Variants in SQSTM1 observed in about 807,000 individuals in gnomAD.
SQSTM1 encodes sequestosome-1.
SQSTM1 carries 36 observed loss-of-function variants against 45.1 expected under a neutral mutation model. The observed-to-expected ratio is 0.80, with a 90% confidence interval of 0.61 to 1.05. The LOEUF (loss-of-function observed/expected upper bound fraction) is 1.05. Ranked by LOEUF, SQSTM1 falls within the 50% of genes least tolerant of loss-of-function variation. The pLI is 0.00. For synonymous variants in SQSTM1, 290 were observed against 244.3 expected (o/e 1.19, Z -1.74); for missense variants, 617 against 607.1 (o/e 1.02, Z -0.17).
chr5:179,828,490 C>T (rs756684279), intron 5 of SQSTM1, among the ~76,000 whole-genome samples: 4 of 150,868 alleles, frequency 2.7e-5, no homozygotes, highest in Non-Finnish European at 5.9e-5. Context: ...TCTCCTGCCT[C>T]AGCCTTTCCC....
chr5:179,818,330 C>T (rs172058), upstream of SQSTM1, among the ~76,000 whole-genome samples: 13,727 of 152,194 alleles, frequency 0.09, 1,696 homozygotes, highest in African/African-American at 0.28. Flanking sequence ...TCCCCTGTGT[C>T]CCCTGTGATT....
chr5:179,815,353 G>T (rs926255912), upstream of SQSTM1, among the ~76,000 whole-genome samples: 1 of 152,074 alleles, frequency 6.6e-6, no homozygotes, highest in Non-Finnish European at 1.5e-5. Flanking sequence ...AGAGGTGGAG[G>T]TTGCAGTGAG....
intron 7 of SQSTM1, 61 bp downstream of exon 7, chr5:179,833,843 C>A: frequency 1.3e-6 from 2 of 1,562,658 alleles, no homozygotes; most frequent in South Asian, 1.1e-5. Flanking sequence ...ATCCTGCCCT[C>A]CTCTGATTTC....
chr5:179,830,994 G>A, intron 5 of SQSTM1, among the ~76,000 whole-genome samples: 1 of 152,212 alleles, frequency 6.6e-6, no homozygotes, highest in East Asian at 1.9e-4. Flanking sequence ...GAGTCACTGT[G>A]CCTGGTCCAG....
intron 1 of SQSTM1, chr5:179,821,453 A>G (rs1288304703): frequency 6.7e-6 from 4 of 594,324 alleles, no homozygotes; most frequent in Non-Finnish European, 1.3e-5. Flanking sequence ...GCTGTTGGGG[A>G]TTTTGGCAAG....
At chr5:179,819,426 G>C (rs1757689328), upstream of SQSTM1, among the ~76,000 whole-genome samples, 1 of 152,196 alleles carries the variant, frequency 6.6e-6, no homozygotes, top group Non-Finnish European at 1.5e-5. Context: ...TCCTTCTTGG[G>C]GGTGAGTGGG....
At chr5:179,832,067 G>A (rs1758252399) in intron 5 of SQSTM1, among the ~76,000 whole-genome samples, 1 of 152,226 alleles carries the variant, frequency 6.6e-6, no homozygotes, top group South Asian at 2.1e-4. Flanking sequence ...ACAGGCGTGA[G>A]CCACTGCGCT....
rs759646319 is a variant in SQSTM1, at chr5:179,836,583, C to T, written c.1313C>T (p.Pro438Leu). ...ACCATCCAGTATTCAAAGCATCCCC[C>T]GCCGTTGTGACCACTTTTGCCCACC... ...LDTIQYSKHP[P>L]PL The change falls in exon 8 of 8, where the codon CCG (proline) becomes CTG (leucine). Residue 438 changes from proline (P) to leucine (L), a missense_variant. Pro to Leu is a moderately conservative substitution (Grantham distance 98). Transcript: ENST00000389805. 2.7e-5 allele frequency: 44 copies of T among 1,614,076 alleles called. No individual in the cohort carries two copies. Among genetic ancestry groups the T allele is most frequent in the Non-Finnish European group, 3.5e-5 (41 of 1,180,040 alleles).
At chr5:179,811,242 A>G (rs1757385275) in intron 1 of SQSTM1, among the ~76,000 whole-genome samples, 1 of 151,764 alleles carries the variant, frequency 6.6e-6, no homozygotes, top group African/African-American at 2.4e-5. Flanking sequence ...CAAAAAAAAA[A>G]AGAGGTCCAG....
upstream of SQSTM1, chr5:179,820,889 G>C: frequency 2.8e-6 from 4 of 1,436,238 alleles, no homozygotes; most frequent in Non-Finnish European, 3.7e-6. Context: ...AAAGCCGCGC[G>C]GCGGCTGCGA....
Position 179,809,572 on chromosome 5 carries a change from C to T in SQSTM1, c.-156-2002C>T, listed in dbSNP as rs150160593. On this transcript the variant is annotated intron_variant, in intron 1 of 5. Transcript: ENST00000514093. ...CAGGCTGGTCTCAAACTCCTGACCTCGTGATCCACCTGCTTCAGCCTCCCA... is the reference window on the plus strand; with the variant it reads ...CAGGCTGGTCTCAAACTCCTGACCTTGTGATCCACCTGCTTCAGCCTCCCA... Among the ~76,000 whole-genome samples, 1,158 of 147,376 alleles carry T rather than the reference C, an allele frequency of 7.9e-3. 10 individuals are homozygous for T. Among genetic ancestry groups the T allele is most frequent in the Non-Finnish European group, 0.013 (862 of 67,100 alleles).
rs777158440 is a variant in SQSTM1 at position 179,837,784 on chromosome 5, C to G, written c.*1191C>G. 6.2e-7 allele frequency: 1 copy of G among 1,614,200 alleles called. No homozygotes were observed. Among genetic ancestry groups the G allele is most frequent in the Non-Finnish European group, 8.5e-7 (1 of 1,180,042 alleles). The stretch of plus-strand genomic sequence containing the variant: ...CCTGCTGGATGGGACTCCATAGCTC[C>G]TTCCCAGGACCCCTCAGCTCCCCGG... On this transcript the variant is annotated 3_prime_UTR_variant, in exon 8 of 8. Coordinates refer to ENST00000389805, the MANE Select transcript of SQSTM1 (RefSeq NM_003900.5).
In SQSTM1 at chr5:179,836,784, G is replaced by A; in HGVS notation, c.*191G>A. 1.2e-6 allele frequency: 1 copy of A among 846,494 alleles called. No homozygotes were observed. Among genetic ancestry groups the A allele is most frequent in the Non-Finnish European group, 1.9e-6 (1 of 528,946 alleles). The allele number at this position is 846,494 out of a possible 1,614,324, so 52.4% of individuals were successfully genotyped here. A position where few individuals can be genotyped will look rare whatever the true frequency, so the allele number is the denominator to read the frequency against. On this transcript the variant is annotated 3_prime_UTR_variant, in exon 8 of 8. Transcript: ENST00000389805. ...GAGGGTCCCTGTGTGTGTGTGTGCTGATGTTTCCTGGGTGCCCTGGCTCCT... is the reference window on the plus strand; with the variant it reads ...GAGGGTCCCTGTGTGTGTGTGTGCTAATGTTTCCTGGGTGCCCTGGCTCCT...
At chr5:179,823,177 CAG>C in intron 2 of SQSTM1, 124 bp downstream of exon 2, 1 of 924,940 alleles carries the variant, frequency 1.1e-6, no homozygotes, top group East Asian at 2.6e-5. Flanking sequence ...CTGTTTAAGA[CAG>C]AGACATAGGC....
chr5:179,809,846 G>T (rs1219472643), intron 1 of SQSTM1, among the ~76,000 whole-genome samples: 3 of 151,444 alleles, frequency 2.0e-5, no homozygotes, highest in African/African-American at 7.3e-5. Flanking sequence ...GTTTCACCAT[G>T]TTGGTCAGGC....
intron 7 of SQSTM1, 99 bp from the exon 8 acceptor site, chr5:179,836,337 C>G: frequency 6.5e-7 from 1 of 1,542,142 alleles, no homozygotes; most frequent in Admixed American, 1.7e-5. Flanking sequence ...CGGACACTGG[C>G]AGACCCTGGT....
In SQSTM1 at chr5:179,824,176, C is replaced by T. The variant is rs2113488787; in HGVS notation, c.532-6C>T. On this transcript the variant is annotated splice_polypyrimidine_tract_variant and splice_region_variant and intron_variant, in intron 3 of 7. Coordinates refer to ENST00000389805, the MANE Select transcript of SQSTM1 (RefSeq NM_003900.5). ...CTGCCTGCCGCTCTGCTAATTCCTC[C>T]CCCAGGGCTTCTCGCACAGCCGCTG... 17 of 1,613,820 alleles carry T rather than the reference C, an allele frequency of 1.1e-5. No homozygotes were observed. Among genetic ancestry groups the T allele is most frequent in the Non-Finnish European group, 1.4e-5 (17 of 1,180,050 alleles).
At chr5:179,834,156 A>AC (rs745750260) in intron 7 of SQSTM1, among the ~76,000 whole-genome samples, 1 of 99,942 alleles carries the variant, frequency 1.0e-5, no homozygotes, top group Non-Finnish European at 2.0e-5. Context: ...CTGGTCTGAG[A>AC]GGGGGGGGGG....
chr5:179,824,927 G>A (rs1757932507), intron 4 of SQSTM1, among the ~76,000 whole-genome samples: 2 of 152,044 alleles, frequency 1.3e-5, no homozygotes, highest in Non-Finnish European at 2.9e-5. Flanking sequence ...GGTCACAGAT[G>A]AGGGGGAGAT....
Sources: gnomAD v4.1 joint callset for allele counts (sites outside exome capture counted in the v4.1 genomes callset) on GRCh38, gnomAD v4.1.1 for gene constraint, MANE v1.5 for transcripts, NCBI Gene and HGNC (gene_info 2026-07-23, HGNC 2026-07-21) for gene names.